The following DGKH variants were observed in gnomAD, a reference collection of about 807,000 sequenced individuals.
The protein encoded by DGKH is DAG kinase eta.
In DGKH, 90 loss-of-function variants were observed where a neutral mutation model predicts 159.3. The observed-to-expected ratio is 0.57, with a 90% confidence interval of 0.48 to 0.67. DGKH has a LOEUF of 0.67. Among genes scored for constraint, DGKH ranks in the 30% least tolerant of loss-of-function variants. The pLI is 0.00. For missense variants in DGKH, 1,181 were observed against 1,506.1 expected (o/e 0.78, Z 3.57); for synonymous variants, 536 against 553.8 (o/e 0.97, Z 0.45).
intron 3 of DGKH, among the ~76,000 whole-genome samples, chr13:42,154,519 C>G (rs1376541914): frequency 6.6e-6 from 1 of 152,156 alleles, no homozygotes; most frequent in Non-Finnish European, 1.5e-5. Flanking sequence ...AATTAAGTTG[C>G]CTTTTTAATA....
rs555685919 is a variant in DGKH, at chr13:42,139,917, G to A, written c.384+10285G>A. 7.2e-5 allele frequency among the ~76,000 whole-genome samples: 11 copies of A among 152,222 alleles called. 1 individual carries two copies. The highest frequency in any genetic ancestry group is 2.6e-4 in the African/African-American group (11 of 41,568). ...ATAGGATTATTTGGATACCAAAAAC[G>A]AGGAACTCGCCTCCCAACTGGGACT... On this transcript the variant is annotated intron_variant, in intron 3 of 29. Transcript: ENST00000337343.
At chr13:42,201,313 G>T (rs976233924) in intron 20 of DGKH, among the ~76,000 whole-genome samples, 1 of 152,082 alleles carries the variant, frequency 6.6e-6, no homozygotes, top group Non-Finnish European at 1.5e-5. Context: ...AGGACACATA[G>T]GAAGTTGTTT....
At chr13:42,083,750 T>C (rs1954254230) in intron 1 of DGKH, among the ~76,000 whole-genome samples, 1 of 152,178 alleles carries the variant, frequency 6.6e-6, no homozygotes, top group South Asian at 2.1e-4. Flanking sequence ...ACAGACAACT[T>C]AACCTCTGTC....
chr13:42,194,015 A>G, intron 16 of DGKH, among the ~76,000 whole-genome samples: 1 of 152,288 alleles, frequency 6.6e-6, no homozygotes, highest in Middle Eastern at 3.4e-3. Context: ...TAATTTTTTA[A>G]ATGTATTGAG....
Position 42,214,612 on chromosome 13 carries a change from G to C in DGKH, c.3120G>C (p.Glu1040Asp), listed in dbSNP as rs746765924. The change falls in exon 25 of 30, where the codon GAG (glutamate) becomes GAC (aspartate). Residue 1040 changes from glutamate to aspartate, a missense_variant and splice_region_variant. By Grantham distance (45) the Glu-to-Asp change is conservative. This residue lies in a region of DGKH where 335 missense variants were observed against 495.2 expected (regional missense o/e 0.68). Coordinates refer to ENST00000337343, the MANE Select transcript of DGKH (RefSeq NM_178009.5). ...ALNKANPRCP[E>D]SLTRDTATEI... ...ATAAAGCCAACCCAAGGTGCCCGGA[G>C]GTGAGGATCTAATGGTAAATTCTCA... The C allele has an allele frequency of 3.1e-6, 5 of 1,612,570 alleles. No homozygotes were observed. Among genetic ancestry groups the C allele is most frequent in the Non-Finnish European group, 4.2e-6 (5 of 1,179,386 alleles).
At chr13:42,140,223 G>A (rs1361750242) in intron 3 of DGKH, among the ~76,000 whole-genome samples, 1 of 152,296 alleles carries the variant, frequency 6.6e-6, no homozygotes, top group Non-Finnish European at 1.5e-5. Flanking sequence ...ATTGCCAGTG[G>A]CAGACTGCTG....
intron 1 of DGKH, among the ~76,000 whole-genome samples, chr13:42,055,089 C>T (rs1474356993): frequency 6.6e-6 from 1 of 152,010 alleles, no homozygotes; most frequent in Non-Finnish European, 1.5e-5. Context: ...CTTAGCTCGT[C>T]GACTATATAA....
chr13:42,117,950 G>T (rs781603981), intron 1 of DGKH, among the ~76,000 whole-genome samples: 3 of 152,168 alleles, frequency 2.0e-5, no homozygotes, highest in Non-Finnish European at 2.9e-5. Flanking sequence ...AGGCGTGGTG[G>T]CTCACACCTG....
intron 1 of DGKH, among the ~76,000 whole-genome samples, chr13:42,127,210 A>G (rs557448710): frequency 1.3e-5 from 2 of 152,340 alleles, no homozygotes; most frequent in South Asian, 4.1e-4. Context: ...TATTGCAAGT[A>G]TTAGTGTATG....
chr13:42,255,861 A>G (rs922782780), intron 30 of DGKH: 48 of 937,686 alleles, frequency 5.1e-5, no homozygotes, highest in South Asian at 5.0e-4. Context: ...TCTTCAAAAA[A>G]GAGACTGATA....
chr13:42,245,771 G>A (rs1958576332), downstream of DGKH, among the ~76,000 whole-genome samples: 1 of 152,010 alleles, frequency 6.6e-6, no homozygotes. Context: ...TTTTAGTAGA[G>A]ACAAGTTTTC....
intron 30 of DGKH, chr13:42,256,212 A>C: frequency 7.3e-7 from 1 of 1,372,832 alleles, no homozygotes; most frequent in Non-Finnish European, 1.0e-6. Flanking sequence ...GGACATTTTG[A>C]GTTGAATGTT....
intron 3 of DGKH, among the ~76,000 whole-genome samples, chr13:42,147,217 G>T (rs1473704604): frequency 6.6e-6 from 1 of 152,158 alleles, no homozygotes; most frequent in Non-Finnish European, 1.5e-5. Flanking sequence ...AATAAAAGCA[G>T]GTTGGTAGTG....
upstream of DGKH, among the ~76,000 whole-genome samples, chr13:42,047,450 G>A (rs1480582927): frequency 6.6e-6 from 1 of 152,210 alleles, no homozygotes; most frequent in Non-Finnish European, 1.5e-5. Flanking sequence ...TCTCCAGGTG[G>A]AGAGACTCCA....
intron 1 of DGKH, among the ~76,000 whole-genome samples, chr13:42,076,065 A>G (rs1177238675): frequency 1.3e-5 from 2 of 152,090 alleles, no homozygotes; most frequent in Non-Finnish European, 2.9e-5. Context: ...CTTTTTCTGG[A>G]AATTCCAGAT....
At position 42,166,620 on chromosome 13, in the gene DGKH, A is replaced by G. The variant is rs1342256197; in HGVS notation, c.1064A>G (p.Gln355Arg). The change falls in exon 9 of 30, where the codon CAG becomes CGG. Residue 355 changes from glutamine (Q) to arginine (R), a missense_variant. By Grantham distance (43) the Gln-to-Arg change is conservative. Transcript: ENST00000337343. ...QGVKFLRRFK[Q>R]LLNPAQVFDL... ...GTAAAGTTCCTCCGTCGCTTTAAACAGTTGCTAAATCCGGCTCAGGTGTTT... is the reference window on the plus strand; with the variant it reads ...GTAAAGTTCCTCCGTCGCTTTAAACGGTTGCTAAATCCGGCTCAGGTGTTT... 6.2e-7 allele frequency: 1 copy of G among 1,608,220 alleles called. No individual in the cohort carries two copies.
chr13:42,114,423 A>C (rs1218620338), intron 1 of DGKH, among the ~76,000 whole-genome samples: 1 of 149,712 alleles, frequency 6.7e-6, no homozygotes, highest in Admixed American at 6.7e-5. Flanking sequence ...TCAGTATATC[A>C]TTACTAAGAG....
At chr13:42,093,518 A>C (rs1954463178) in intron 1 of DGKH, among the ~76,000 whole-genome samples, 1 of 152,232 alleles carries the variant, frequency 6.6e-6, no homozygotes, top group Admixed American at 6.5e-5. Flanking sequence ...AATATACTCA[A>C]AAGAATTGAA....
chr13:42,249,772 T>C (rs1311343705), intron 29 of DGKH, among the ~76,000 whole-genome samples: 1 of 152,210 alleles, frequency 6.6e-6, no homozygotes, highest in Non-Finnish European at 1.5e-5. Flanking sequence ...TAGCTGAATG[T>C]CTAAGAATCA....
Sources: gnomAD v4.1 joint callset for allele counts (sites outside exome capture counted in the v4.1 genomes callset) on GRCh38, gnomAD v4.1.1 for gene constraint, gnomAD v4.1.1 regional missense constraint, MANE v1.5 for transcripts, NCBI Gene and HGNC (gene_info 2026-07-23, HGNC 2026-07-21) for gene names.